Variants in EDAR observed in about 807,000 individuals in gnomAD.
EDAR encodes the protein ectodysplasin A receptor.
A neutral mutation model predicts 51.3 loss-of-function variants in EDAR; 38 were observed. That is an observed-to-expected ratio of 0.74 (90% CI 0.57 to 0.97). EDAR has a LOEUF of 0.97. Ranked by LOEUF, EDAR falls within the 50% of genes least tolerant of loss-of-function variation. The probability of loss-of-function intolerance (pLI) is 0.00; values close to 1 mark genes in which losing one functional copy is unlikely to be tolerated. For synonymous variants in EDAR, 227 were observed against 242.1 expected (o/e 0.94, Z 0.58); for missense variants, 528 against 595.0 (o/e 0.89, Z 1.17).
chr2:108,932,471 G>C (rs747137008), intron 1 of EDAR, among the ~76,000 whole-genome samples: 13 of 147,430 alleles, frequency 8.8e-5, no homozygotes, highest in African/African-American at 3.0e-4. Context: ...GGAGCTTGCA[G>C]TGAGCCGAGA....
rs554327937 is a variant in EDAR at position 108,946,583 on chromosome 2, T to C, written c.-18-15551A>G. ...TATAAAGAAAGAAGGTTTAATTGACTCACAGTTCCACATGGCTGGCAGGCC... is the reference window on the plus strand; with the variant it reads ...TATAAAGAAAGAAGGTTTAATTGACCCACAGTTCCACATGGCTGGCAGGCC... On this transcript the variant is annotated intron_variant, in intron 1 of 11. Transcript: ENST00000258443. Among the ~76,000 whole-genome samples, 25 of 152,294 alleles carry C rather than the reference T, an allele frequency of 1.6e-4. 1 individual carries two copies. The South Asian group carries it at 5.0e-3, about 30-fold the overall frequency.
chr2:108,943,831 G>A (rs976715573), intron 1 of EDAR, among the ~76,000 whole-genome samples: 5 of 152,194 alleles, frequency 3.3e-5, no homozygotes, highest in Admixed American at 2.0e-4. Flanking sequence ...AGGGCTGGAT[G>A]CCAGCCCGGG....
intron 11 of EDAR, among the ~76,000 whole-genome samples, chr2:108,904,575 C>T (rs1345987950): frequency 6.6e-6 from 1 of 152,140 alleles, no homozygotes; most frequent in African/African-American, 2.4e-5. Flanking sequence ...TGTCCTTCAA[C>T]AAGTGAATGG....
chr2:108,967,083 C>A (rs1481432518), intron 1 of EDAR, among the ~76,000 whole-genome samples: 1 of 152,108 alleles, frequency 6.6e-6, no homozygotes, highest in Non-Finnish European at 1.5e-5. Flanking sequence ...TACAGGCACC[C>A]GCTACCATGC....
chr2:108,933,128 G>A (rs1697403230), intron 1 of EDAR, among the ~76,000 whole-genome samples: 1 of 152,210 alleles, frequency 6.6e-6, no homozygotes, highest in Non-Finnish European at 1.5e-5. Context: ...GTTGTTGGGT[G>A]AGAAAGAAAT....
At chr2:108,928,274 A>C (rs1697296823) in intron 4 of EDAR, among the ~76,000 whole-genome samples, 1 of 152,008 alleles carries the variant, frequency 6.6e-6, no homozygotes, top group Admixed American at 6.6e-5. Flanking sequence ...TCCTAGTCCT[A>C]CTTCTTAGCC....
intron 1 of EDAR, among the ~76,000 whole-genome samples, chr2:108,944,205 C>T (rs1306176103): frequency 2.0e-5 from 3 of 152,194 alleles, no homozygotes; most frequent in African/African-American, 4.8e-5. Flanking sequence ...CCTCTGCCTC[C>T]TGGGCTCAGG....
chr2:108,948,607 A>C (rs1484671032), intron 1 of EDAR, among the ~76,000 whole-genome samples: 1 of 152,190 alleles, frequency 6.6e-6, no homozygotes, highest in African/African-American at 2.4e-5. Context: ...CACGTCTCAC[A>C]TGGTGGCAGG....
In EDAR at chr2:108,896,710, A is replaced by T. The variant is rs979302277; in HGVS notation, c.*197T>A. 1 of 608,864 alleles carries T rather than the reference A, an allele frequency of 1.6e-6. No homozygotes were observed. Among genetic ancestry groups the T allele is most frequent in the Non-Finnish European group, 2.9e-6 (1 of 347,394 alleles). The allele number at this position is 608,864 out of a possible 1,614,324, so 37.7% of individuals were successfully genotyped here. A position where few individuals can be genotyped will look rare whatever the true frequency, so the allele number is the denominator to read the frequency against. On this transcript the variant is annotated 3_prime_UTR_variant, in exon 12 of 12. Coordinates refer to ENST00000258443, the MANE Select transcript of EDAR (RefSeq NM_022336.4). ...GAGGTACAGGCGAGCATCTGAAAGT[A>T]TCCCGGCTCTAGTCCTTTATCTTTG...
intron 1 of EDAR, among the ~76,000 whole-genome samples, chr2:108,964,963 AT>A (rs943977466): frequency 8.5e-5 from 13 of 152,154 alleles, no homozygotes; most frequent in African/African-American, 2.4e-4. Flanking sequence ...TAACATTTAA[AT>A]TTTTTTTAAT....
intron 4 of EDAR, among the ~76,000 whole-genome samples, chr2:108,924,880 A>G (rs1188191799): frequency 6.6e-6 from 1 of 152,162 alleles, no homozygotes; most frequent in Non-Finnish European, 1.5e-5. Flanking sequence ...TGGCCTTGTG[A>G]GTTCACGGGC....
chr2:108,917,528 CAT>C lies in EDAR; in HGVS notation c.443-4766_443-4765del, dbSNP rs1697049532. ...GAAATTTCACTCTGTACCCCATAAACATGTGCAATTATTATGTATCAATTGAA... is the reference window on the plus strand; with the variant it reads ...GAAATTTCACTCTGTACCCCATAAACGTGCAATTATTATGTATCAATTGAA... On this transcript the variant is annotated intron_variant, in intron 5 of 11. Coordinates refer to ENST00000258443, the MANE Select transcript of EDAR (RefSeq NM_022336.4). Among the ~76,000 whole-genome samples, 3 of 152,202 alleles carry C rather than the reference CAT, an allele frequency of 2.0e-5. No individual in the cohort carries two copies. In the South Asian group the frequency reaches 6.2e-4, roughly 32 times the overall value.
At chr2:108,941,752 G>C (rs1311640586) in intron 1 of EDAR, among the ~76,000 whole-genome samples, 1 of 152,194 alleles carries the variant, frequency 6.6e-6, no homozygotes, top group Non-Finnish European at 1.5e-5. Flanking sequence ...TGTGTATTAT[G>C]CTCGCACACA....
intron 6 of EDAR, among the ~76,000 whole-genome samples, chr2:108,911,274 C>T (rs781259026): frequency 6.6e-6 from 1 of 152,138 alleles, no homozygotes; most frequent in African/African-American, 2.4e-5. Context: ...CACAGCCCTG[C>T]TCGCTGCCCT....
At chr2:108,907,198 A>C (rs1025430588) in intron 10 of EDAR, among the ~76,000 whole-genome samples, 2 of 152,220 alleles carry the variant, frequency 1.3e-5, no homozygotes, top group South Asian at 2.1e-4. Context: ...GCATAGAAGA[A>C]AAACGTTGTG....
At chr2:108,901,735 C>T (rs1696702972) in intron 11 of EDAR, among the ~76,000 whole-genome samples, 2 of 152,190 alleles carry the variant, frequency 1.3e-5, no homozygotes, top group Admixed American at 1.3e-4. Flanking sequence ...AAAACATAAA[C>T]TATCACAACT....
Position 108,906,331 on chromosome 2 carries a change from G to T in EDAR, c.1001C>A (p.Ala334Asp), listed in dbSNP as rs765164560. ...SRRKKILDVY[A>D]NVCGVVEGLS... ...ACCTTCCACGACTCCACACACGTTG[G>T]CATACACATCGAGGATCTTTTTCCT... Residue 334 changes from alanine (A) to aspartate (D), a missense_variant, in exon 11 of 12, where the codon GCC (alanine) becomes GAC (aspartate). Ala to Asp is a moderately radical substitution (Grantham distance 126, BLOSUM62 -2). Coordinates refer to ENST00000258443, the MANE Select transcript of EDAR (RefSeq NM_022336.4). 6.2e-7 allele frequency: 1 copy of T among 1,614,174 alleles called. No homozygotes were observed. Among genetic ancestry groups the T allele is most frequent in the Non-Finnish European group, 8.5e-7 (1 of 1,180,046 alleles).
chr2:108,936,500 G>C lies in EDAR; in HGVS notation c.-18-5468C>G, dbSNP rs150891833. Among the ~76,000 whole-genome samples, 7 of 152,162 alleles carry C rather than the reference G, an allele frequency of 4.6e-5. No homozygotes were observed. In the East Asian group the frequency reaches 1.4e-3, roughly 29 times the overall value. On this transcript the variant is annotated intron_variant, in intron 1 of 11. Transcript: ENST00000258443. ...GCTGCGGGCTCCCTGCCCACCCAGC[G>C]CTACTCTCCTTCCCCGGCCTCCCAC...
intron 5 of EDAR, among the ~76,000 whole-genome samples, chr2:108,915,949 G>A (rs1174545822): frequency 6.6e-6 from 1 of 152,020 alleles, no homozygotes; most frequent in South Asian, 2.1e-4. Flanking sequence ...GTGGAGAAGT[G>A]CGTGCCCCTA....
Sources: gnomAD v4.1 joint callset for allele counts (sites outside exome capture counted in the v4.1 genomes callset) on GRCh38, gnomAD v4.1.1 for gene constraint, MANE v1.5 for transcripts, NCBI Gene and HGNC (gene_info 2026-07-23, HGNC 2026-07-21) for gene names.